Variants in FBXL20 observed in about 807,000 individuals in gnomAD.
The protein encoded by FBXL20 is F-box and leucine rich repeat protein 20.
FBXL20 carries 11 observed loss-of-function variants against 64.0 expected under a neutral mutation model. The observed-to-expected ratio is 0.17, with a 90% CI of 0.11 to 0.28. FBXL20 has a LOEUF of 0.28. FBXL20 is among the 10% of genes least tolerant of loss of function. The pLI, the probability that FBXL20 is intolerant of heterozygous loss-of-function variation, is 1.00. For synonymous variants in FBXL20, 184 were observed against 189.0 expected (o/e 0.97, Z 0.22); for missense variants, 303 against 526.2 (o/e 0.58, Z 4.15).
At chr17:39,287,557 C>CCAT (rs1195029417) in intron 6 of FBXL20, among the ~76,000 whole-genome samples, 2 of 152,126 alleles carry the variant, frequency 1.3e-5, no homozygotes, top group African/African-American at 4.8e-5. Context: ...CAGATACATG[C>CCAT]CATCACACCT....
intron 1 of FBXL20, among the ~76,000 whole-genome samples, chr17:39,347,152 C>A (rs2047641562): frequency 6.6e-6 from 1 of 152,150 alleles, no homozygotes; most frequent in South Asian, 2.1e-4. Context: ...AATAAACATA[C>A]ATGTGCATGT....
At chr17:39,385,322 A>AACACACACAC (rs3078787) in intron 1 of FBXL20, among the ~76,000 whole-genome samples, 1 of 151,196 alleles carries the variant, frequency 6.6e-6, no homozygotes, top group African/African-American at 2.4e-5. Flanking sequence ...GTCTCTAGAA[A>AACACACACAC]ACACACACAC....
intron 10 of FBXL20, among the ~76,000 whole-genome samples, chr17:39,271,866 A>G (rs1280761924): frequency 1.3e-5 from 2 of 152,212 alleles, no homozygotes; most frequent in Admixed American, 1.3e-4. Flanking sequence ...AATGGTAACA[A>G]AGAACATGTT....
intron 1 of FBXL20, among the ~76,000 whole-genome samples, chr17:39,386,832 C>T (rs1597835495): frequency 6.6e-6 from 1 of 152,292 alleles, no homozygotes; most frequent in East Asian, 1.9e-4. Flanking sequence ...TTCTCCCCTA[C>T]TTCCCAGACT....
chr17:39,363,810 C>CAAA (rs71372113), intron 1 of FBXL20, among the ~76,000 whole-genome samples: 3 of 26,634 alleles, frequency 1.1e-4, no homozygotes, highest in South Asian at 9.2e-4. Context: ...GACTTTATCT[C>CAAA]AAAAAAAAAA....
intron 9 of FBXL20, among the ~76,000 whole-genome samples, chr17:39,275,840 T>C (rs1203935230): frequency 6.6e-6 from 1 of 152,176 alleles, no homozygotes; most frequent in African/African-American, 2.4e-5. Context: ...AGTTGCAATA[T>C]TGTATCAGCC....
At chr17:39,365,645 A>G (rs528782810) in intron 1 of FBXL20, among the ~76,000 whole-genome samples, 1 of 150,384 alleles carries the variant, frequency 6.6e-6, no homozygotes, top group South Asian at 2.1e-4. Context: ...GTCCAAAAAT[A>G]GAGCATCTAC....
chr17:39,380,137 A>T (rs1330184765), intron 1 of FBXL20, among the ~76,000 whole-genome samples: 1 of 152,188 alleles, frequency 6.6e-6, no homozygotes, highest in Non-Finnish European at 1.5e-5. Context: ...ACTGGTTACA[A>T]CATCACAGTC....
In FBXL20 at chr17:39,253,075, C is replaced by G. The variant is rs2046664821; in HGVS notation, c.*8385G>C. 1 of 152,634 alleles carries G rather than the reference C, an allele frequency of 6.6e-6. No homozygotes were observed. Among genetic ancestry groups the G allele is most frequent in the African/African-American group, 2.4e-5 (1 of 41,452 alleles). 9.5% of individuals were successfully genotyped at this position (152,634 alleles called of 1,614,324 possible). The stretch of plus-strand genomic sequence containing the variant: ...GGCTTGGGAAGGAGGGAATCAGACC[C>G]TTCAGGTCAACCACCTCTGCATTTT... On this transcript the variant is annotated 3_prime_UTR_variant, in exon 15 of 15. Transcript: ENST00000264658.
intron 6 of FBXL20, among the ~76,000 whole-genome samples, chr17:39,289,227 G>A (rs576460151): frequency 2.6e-5 from 4 of 152,198 alleles, no homozygotes; most frequent in South Asian, 2.1e-4. Context: ...AATTGATTTC[G>A]TTATTCTAGA....
intron 2 of FBXL20, among the ~76,000 whole-genome samples, chr17:39,317,980 G>A (rs532355760): frequency 6.6e-5 from 10 of 152,190 alleles, no homozygotes; most frequent in East Asian, 1.9e-4. Flanking sequence ...GATTACAGGC[G>A]TGAGCCACCG....
intron 2 of FBXL20, among the ~76,000 whole-genome samples, chr17:39,331,247 T>TG (rs1441320851): frequency 6.6e-6 from 1 of 152,126 alleles, no homozygotes; most frequent in African/African-American, 2.4e-5. Flanking sequence ...ATTACAGGTG[T>TG]GTGCCATCAT....
At chr17:39,282,599 C>T in intron 8 of FBXL20, 130 bp downstream of exon 8, 2 of 1,209,102 alleles carry the variant, frequency 1.7e-6, no homozygotes, top group Non-Finnish European at 2.3e-6. Context: ...TTTTGGTAAG[C>T]ATTTGTCTTT....
At chr17:39,402,335 G>C (rs2048257338), upstream of FBXL20, 1 of 671,292 alleles carries the variant, frequency 1.5e-6, no homozygotes, top group South Asian at 7.5e-5. Context: ...TTACATTACG[G>C]GGTGCTGCAG....
At chr17:39,369,898 T>G (rs886972361) in intron 1 of FBXL20, among the ~76,000 whole-genome samples, 12 of 152,108 alleles carry the variant, frequency 7.9e-5, no homozygotes, top group Non-Finnish European at 1.5e-4. Context: ...CCTCCAAAAG[T>G]GCTGGGATTA....
intron 10 of FBXL20, among the ~76,000 whole-genome samples, chr17:39,272,644 G>A (rs1198831862): frequency 7.1e-6 from 1 of 140,978 alleles, no homozygotes; most frequent in East Asian, 2.2e-4. Context: ...GGAGGTTACA[G>A]TGAGCCAAGA....
intron 1 of FBXL20, among the ~76,000 whole-genome samples, chr17:39,391,563 T>C (rs2048133968): frequency 6.6e-6 from 1 of 152,128 alleles, no homozygotes; most frequent in African/African-American, 2.4e-5. Flanking sequence ...AACACAAATT[T>C]ATATAAATTA....
chr17:39,393,422 C>T (rs1453416790), intron 1 of FBXL20, among the ~76,000 whole-genome samples: 2 of 152,142 alleles, frequency 1.3e-5, no homozygotes, highest in Admixed American at 6.6e-5. Flanking sequence ...GTGGTTACTA[C>T]ATTTGATTAA....
At chr17:39,338,095 A>AG (rs552482080) in intron 2 of FBXL20, among the ~76,000 whole-genome samples, 3,906 of 152,308 alleles carry the variant, frequency 0.026, 79 homozygotes, top group South Asian at 0.065. Flanking sequence ...TGGAATAGAA[A>AG]GGGGGGAAAG....
Sources: gnomAD v4.1 joint callset for allele counts (sites outside exome capture counted in the v4.1 genomes callset) on GRCh38, gnomAD v4.1.1 for gene constraint, MANE v1.5 for transcripts, NCBI Gene and HGNC (gene_info 2026-07-23, HGNC 2026-07-21) for gene names.